Variants in COBL observed in about 807,000 individuals in gnomAD.
COBL encodes the protein protein cordon-bleu.
A neutral mutation model predicts 98.8 loss-of-function variants in COBL; 51 were observed. That is an observed-to-expected ratio of 0.52 (90% CI 0.41 to 0.65). The LOEUF (loss-of-function observed/expected upper bound fraction) is 0.65, where lower values mean the gene tolerates loss of function less well. Ranked by LOEUF, COBL falls within the 30% of genes least tolerant of loss-of-function variation. The pLI, the probability that COBL is intolerant of heterozygous loss-of-function variation, is 0.00. For missense variants in COBL, 1,617 were observed against 1,617.5 expected (o/e 1.00, Z 0.01); for synonymous variants, 634 against 651.7 (o/e 0.97, Z 0.41).
At chr7:51,054,573 C>T (rs1790548032) in intron 7 of COBL, among the ~76,000 whole-genome samples, 1 of 152,184 alleles carries the variant, frequency 6.6e-6, no homozygotes, top group African/African-American at 2.4e-5. Context: ...CATCTCCCTG[C>T]ACTGGGGACT....
rs544146251 is a variant in COBL, at chr7:51,140,490, A to C, written c.784-4159T>G. Among the ~76,000 whole-genome samples, 7 of 152,338 alleles carry C rather than the reference A, an allele frequency of 4.6e-5. No individual in the cohort carries two copies. In the East Asian group the frequency reaches 1.3e-3, roughly 29 times the overall value. ...ATCATCTGCCACAAGTGCTTTTGACATGGGTCCTAATTTTAAATTTACACA... is the reference window on the plus strand; with the variant it reads ...ATCATCTGCCACAAGTGCTTTTGACCTGGGTCCTAATTTTAAATTTACACA... On this transcript the variant is annotated intron_variant, in intron 5 of 12. Coordinates refer to ENST00000265136, the MANE Select transcript of COBL (RefSeq NM_015198.5).
chr7:51,279,351 T>C (rs1799602580), intron 1 of COBL, among the ~76,000 whole-genome samples: 1 of 152,260 alleles, frequency 6.6e-6, no homozygotes, highest in African/African-American at 2.4e-5. Flanking sequence ...CATTATACTT[T>C]CTTTAATAAT....
chr7:51,137,849 T>C (rs1799386385), intron 5 of COBL, among the ~76,000 whole-genome samples: 1 of 152,194 alleles, frequency 6.6e-6, no homozygotes, highest in South Asian at 2.1e-4. Context: ...TTTCATATTT[T>C]ACATAATAAG....
At chr7:51,251,798 A>G (rs953206104) in intron 1 of COBL, among the ~76,000 whole-genome samples, 1 of 152,208 alleles carries the variant, frequency 6.6e-6, no homozygotes, top group South Asian at 2.1e-4. Flanking sequence ...AGATTGGTAC[A>G]ATGAACTACC....
intron 2 of COBL, among the ~76,000 whole-genome samples, chr7:51,217,340 C>CTTTTTTTTTTTTTTTTT (rs937958755): frequency 2.0e-4 from 25 of 127,732 alleles, no homozygotes; most frequent in Middle Eastern, 4.5e-3. Flanking sequence ...TTTTCTTTTT[C>CTTTTTTTTTTTTTTTTT]TTTTTTTTTT....
chr7:51,294,295 C>CATAAATAAATAAATAA (rs201170093), intron 1 of COBL, among the ~76,000 whole-genome samples: 229 of 138,944 alleles, frequency 1.6e-3, no homozygotes, highest in African/African-American at 5.2e-3. Context: ...CATCTCAAAA[C>CATAAATAAATAAATAA]ATAAATAAAT....
chr7:51,057,219 T>C (rs1001339787), intron 7 of COBL, among the ~76,000 whole-genome samples: 2 of 152,234 alleles, frequency 1.3e-5, no homozygotes, highest in Non-Finnish European at 2.9e-5. Context: ...ATAATTGTCC[T>C]ATTTCATTGC....
intron 1 of COBL, among the ~76,000 whole-genome samples, chr7:51,239,643 T>C (rs1310842111): frequency 6.6e-6 from 1 of 152,350 alleles, no homozygotes; most frequent in East Asian, 1.9e-4. Context: ...CCTCCAATTC[T>C]TTCTTGCATG....
At chr7:51,281,681 T>C (rs973361013) in intron 1 of COBL, among the ~76,000 whole-genome samples, 2 of 151,492 alleles carry the variant, frequency 1.3e-5, no homozygotes, top group Non-Finnish European at 2.9e-5. Context: ...TGTTACTATA[T>C]CCAGTAAATA....
chr7:51,276,528 T>C (rs577502510), intron 1 of COBL, among the ~76,000 whole-genome samples: 1 of 152,334 alleles, frequency 6.6e-6, no homozygotes, highest in South Asian at 2.1e-4. Context: ...CTCTTGATAA[T>C]GCCAGTCCTT....
At chr7:51,089,592 C>T (rs1484125820) in intron 6 of COBL, among the ~76,000 whole-genome samples, 6 of 152,130 alleles carry the variant, frequency 3.9e-5, no homozygotes, top group Non-Finnish European at 8.8e-5. Context: ...TTGCTTCTCT[C>T]GTCTTTGTCA....
intron 2 of COBL, among the ~76,000 whole-genome samples, chr7:51,216,226 G>A (rs1793031217): frequency 6.6e-6 from 1 of 152,134 alleles, no homozygotes; most frequent in South Asian, 2.1e-4. Context: ...TGTTGCCCAG[G>A]CCGGAGTGCA....
chr7:51,139,878 CT>C (rs753441478), intron 5 of COBL, among the ~76,000 whole-genome samples: 14 of 152,200 alleles, frequency 9.2e-5, no homozygotes, highest in African/African-American at 3.1e-4. Flanking sequence ...TTGGCCCCCC[CT>C]ATTATCCCAG....
intron 1 of COBL, among the ~76,000 whole-genome samples, chr7:51,222,798 C>T (rs1278309893): frequency 2.6e-5 from 4 of 152,110 alleles, no homozygotes; most frequent in African/African-American, 9.7e-5. Context: ...TTAGAACTCA[C>T]CAGTTCAAAT....
intron 1 of COBL, among the ~76,000 whole-genome samples, chr7:51,278,379 C>CTTTTTT (rs10649607): frequency 3.3e-5 from 4 of 119,476 alleles, no homozygotes; most frequent in Admixed American, 9.5e-5. Context: ...TAGACAGGAT[C>CTTTTTT]TTTTTTTTTT....
intron 1 of COBL, among the ~76,000 whole-genome samples, chr7:51,238,478 A>G (rs1795477978): frequency 6.6e-6 from 1 of 152,166 alleles, no homozygotes; most frequent in South Asian, 2.1e-4. Flanking sequence ...AACACCGGGT[A>G]GAGCAGTTGT....
rs1181706553 is a variant in COBL, at chr7:51,219,966, G to A, written c.42-22C>T. 17 of 1,599,996 alleles carry A rather than the reference G, an allele frequency of 1.1e-5. No homozygotes were observed. The Admixed American group carries it at 2.5e-4, about 24-fold the overall frequency. On this transcript the variant is annotated intron_variant, in intron 1 of 12. Coordinates refer to ENST00000265136, the MANE Select transcript of COBL (RefSeq NM_015198.5). ...CCTCCTTAAAAACAACAACACAAAGGCACAGAGTCAGTGGCAATGTTCCTA... is the reference window on the plus strand; with the variant it reads ...CCTCCTTAAAAACAACAACACAAAGACACAGAGTCAGTGGCAATGTTCCTA...
In COBL at chr7:51,219,836, G is replaced by A. The variant is rs139455232; in HGVS notation, c.150C>T (p.Asn50=). 63 of 1,613,942 alleles carry A rather than the reference G, an allele frequency of 3.9e-5. No individual in the cohort carries two copies. The highest frequency in any genetic ancestry group is 5.1e-5 in the Non-Finnish European group (60 of 1,180,048). ...PHDGALGSQQ[N]LVRMKEALRA... is the part of the protein sequence containing the mutation. ...TCAGCGCCTCCTTCATGCGAACCAA[G>A]TTCTGCTGCGACCCGAGGGCCCCAT... The change falls in exon 2 of 13, where the codon AAC becomes AAT. Residue 50 remains asparagine, a synonymous_variant. Coordinates refer to ENST00000265136, the MANE Select transcript of COBL (RefSeq NM_015198.5).
In COBL at chr7:51,017,429, C is replaced by CT; in HGVS notation, c.*121_*122insA. On this transcript the variant is annotated 3_prime_UTR_variant, in exon 13 of 13. Transcript: ENST00000265136. Reference sequence around the variant, plus strand: ...GAACACACCGAAAATCAACTGTGCGCATTTGGCCTGTAGACAAGAAAGTAA... The same window carrying CT: ...GAACACACCGAAAATCAACTGTGCGCTATTTGGCCTGTAGACAAGAAAGTAA... The CT allele has an allele frequency of 1.6e-6, 1 of 618,162 alleles. No individual in the cohort carries two copies. Among genetic ancestry groups the CT allele is most frequent in the Admixed American group, 3.3e-5 (1 of 30,664 alleles). The allele number at this position is 618,162 out of a possible 1,614,324, so 38.3% of individuals were successfully genotyped here.
Sources: gnomAD v4.1 joint callset for allele counts (sites outside exome capture counted in the v4.1 genomes callset) on GRCh38, gnomAD v4.1.1 for gene constraint, MANE v1.5 for transcripts, NCBI Gene and HGNC (gene_info 2026-07-23, HGNC 2026-07-21) for gene names.